The following RBFOX1 variants were observed in gnomAD, a reference collection of about 807,000 sequenced individuals.
RBFOX1 encodes the protein RNA binding fox-1 homolog 1.
A neutral mutation model predicts 57.7 loss-of-function variants in RBFOX1; 8 were observed. That is an observed-to-expected ratio of 0.14 (90% CI 0.08 to 0.25). The LOEUF (loss-of-function observed/expected upper bound fraction) is 0.25. Among genes scored for constraint, RBFOX1 ranks in the 10% least tolerant of loss-of-function variants. RBFOX1 has a pLI of 1.00. For missense variants in RBFOX1, 611 were observed against 548.5 expected (o/e 1.11, Z -1.14); for synonymous variants, 326 against 222.4 (o/e 1.47, Z -4.15).
intron 3 of RBFOX1, among the ~76,000 whole-genome samples, chr16:6,816,165 G>GGTAGGT (rs1464845482): frequency 6.6e-6 from 1 of 152,040 alleles, no homozygotes; most frequent in Non-Finnish European, 1.5e-5. Context: ...TTTTTAATTA[G>GGTAGGT]GTAGGTGTGG....
At chr16:5,448,421 A>G (rs2068319515) in intron 1 of RBFOX1, among the ~76,000 whole-genome samples, 1 of 152,212 alleles carries the variant, frequency 6.6e-6, no homozygotes. Flanking sequence ...ATTGAAATAT[A>G]ATGAACAGCT....
chr16:7,445,159 G>C (rs1372138857), intron 4 of RBFOX1, among the ~76,000 whole-genome samples: 1 of 152,120 alleles, frequency 6.6e-6, no homozygotes, highest in Non-Finnish European at 1.5e-5. Context: ...AAAGGGCTCA[G>C]CATGTGCCTG....
chr16:6,651,552 AC>A (rs755045632), intron 2 of RBFOX1, among the ~76,000 whole-genome samples: 43 of 152,198 alleles, frequency 2.8e-4, no homozygotes, highest in Non-Finnish European at 1.2e-4. Flanking sequence ...CCTGAGTGAA[AC>A]CCACAAGTGC....
intron 3 of RBFOX1, among the ~76,000 whole-genome samples, chr16:5,795,635 C>G (rs1429666241): frequency 6.6e-6 from 1 of 152,150 alleles, no homozygotes; most frequent in African/African-American, 2.4e-5. Context: ...TCTTTCCCCT[C>G]CTTACCCCTG....
intron 3 of RBFOX1, among the ~76,000 whole-genome samples, chr16:6,788,086 G>A (rs2082266396): frequency 6.6e-6 from 1 of 152,254 alleles, no homozygotes; most frequent in East Asian, 1.9e-4. Context: ...GGCAGGTGTG[G>A]TGGCGCATGC....
At position 6,869,969 on chromosome 16, in the gene RBFOX1, A is replaced by G. The variant is rs576004925; in HGVS notation, c.-15-182088A>G. On this transcript the variant is annotated intron_variant, in intron 3 of 15. Coordinates refer to ENST00000550418, the MANE Select transcript of RBFOX1 (RefSeq NM_018723.4). Reference sequence around the variant, plus strand: ...ACTGCTTACTAATCTTAGGACCTATAAAATAAGGGATCAAAGGTAACATTT... The same window carrying G: ...ACTGCTTACTAATCTTAGGACCTATGAAATAAGGGATCAAAGGTAACATTT... 2.6e-5 allele frequency among the ~76,000 whole-genome samples: 4 copies of G among 152,276 alleles called. No homozygotes were observed. In the South Asian group the frequency reaches 8.3e-4, roughly 32 times the overall value.
At chr16:7,261,615 G>C (rs1475455454) in intron 4 of RBFOX1, among the ~76,000 whole-genome samples, 1 of 152,128 alleles carries the variant, frequency 6.6e-6, no homozygotes, top group Non-Finnish European at 1.5e-5. Context: ...ATAGAATGAG[G>C]CTCAGGAACT....
In RBFOX1 at chr16:6,356,284, A is replaced by T. The variant is rs931510313; in HGVS notation, c.-64+39227A>T. ...GTTGCAGGGGCAAAAACCTGCCAAA[A>T]ACATCCTCAGCCAACAGATCAGGGT... On this transcript the variant is annotated intron_variant, in intron 2 of 15. Transcript: ENST00000550418. Among the ~76,000 whole-genome samples the T allele has an allele frequency of 6.6e-5, 10 of 152,156 alleles. 1 individual carries two copies. Among genetic ancestry groups the T allele is most frequent in the Admixed American group, 3.3e-4 (5 of 15,278 alleles).
At chr16:6,764,851 C>A (rs1024879809) in intron 3 of RBFOX1, among the ~76,000 whole-genome samples, 1 of 152,018 alleles carries the variant, frequency 6.6e-6, no homozygotes, top group Non-Finnish European at 1.5e-5. Flanking sequence ...GCAGGAGAAT[C>A]TCTTGAACCC....
At chr16:7,146,510 G>C (rs1472183605) in intron 4 of RBFOX1, among the ~76,000 whole-genome samples, 3 of 152,292 alleles carry the variant, frequency 2.0e-5, no homozygotes, top group South Asian at 4.1e-4. Flanking sequence ...GAGAGAGCTA[G>C]GATGCATAGG....
At chr16:5,388,696 T>C (rs1193311725) in intron 1 of RBFOX1, among the ~76,000 whole-genome samples, 1 of 151,908 alleles carries the variant, frequency 6.6e-6, no homozygotes, top group Non-Finnish European at 1.5e-5. Flanking sequence ...CCTGTCAGCC[T>C]TCTGAGTAGC....
chr16:6,971,208 A>T lies in RBFOX1; in HGVS notation c.-15-80849A>T, dbSNP rs139604123. ...CCGCTATACAGAGATTTTAAAATATAGAAAGAGGTGTGCTAAAAGGCAGCT... is the reference window on the plus strand; with the variant it reads ...CCGCTATACAGAGATTTTAAAATATTGAAAGAGGTGTGCTAAAAGGCAGCT... On this transcript the variant is annotated intron_variant, in intron 3 of 15. Coordinates refer to ENST00000550418, the MANE Select transcript of RBFOX1 (RefSeq NM_018723.4). Among the ~76,000 whole-genome samples, 860 of 152,308 alleles carry T rather than the reference A, an allele frequency of 5.6e-3. 9 individuals carry two copies. The highest frequency in any genetic ancestry group is 0.034 in the Middle Eastern group (10 of 294).
chr16:6,533,066 G>T (rs1384596924), intron 2 of RBFOX1, among the ~76,000 whole-genome samples: 5 of 152,178 alleles, frequency 3.3e-5, no homozygotes, highest in Admixed American at 2.0e-4. Context: ...GTGTTGCAAA[G>T]CACACTTGGC....
rs192183105 is a variant in RBFOX1, at chr16:7,604,565, A to G, written c.623-2720A>G. 7.9e-4 allele frequency among the ~76,000 whole-genome samples: 121 copies of G among 152,310 alleles called. 1 individual carries two copies. Among genetic ancestry groups the G allele is most frequent in the African/African-American group, 2.8e-3 (115 of 41,564 alleles). ...TGGCAAACTCATAACTTGCAGAAAG[A>G]TGGGGAAATAAACAGCAGATTATAG... On this transcript the variant is annotated intron_variant, in intron 9 of 15. Coordinates refer to ENST00000550418, the MANE Select transcript of RBFOX1 (RefSeq NM_018723.4).
intron 13 of RBFOX1, among the ~76,000 whole-genome samples, chr16:7,666,896 G>A (rs2069512153): frequency 6.6e-6 from 1 of 152,176 alleles, no homozygotes; most frequent in East Asian, 1.9e-4. Flanking sequence ...CAGCGGTGCA[G>A]CTCGGGAAGC....
At chr16:6,434,738 G>C (rs1208975876) in intron 2 of RBFOX1, among the ~76,000 whole-genome samples, 1 of 152,154 alleles carries the variant, frequency 6.6e-6, no homozygotes, top group Non-Finnish European at 1.5e-5. Flanking sequence ...CTCTGACATT[G>C]CTAACAGCCT....
At chr16:6,040,426 C>G (rs901274931) in intron 1 of RBFOX1, among the ~76,000 whole-genome samples, 8 of 152,142 alleles carry the variant, frequency 5.3e-5, no homozygotes, top group African/African-American at 1.9e-4. Context: ...TTTAACTACT[C>G]TTAAGTATCT....
At chr16:6,767,092 A>C (rs907867203) in intron 3 of RBFOX1, among the ~76,000 whole-genome samples, 3 of 152,092 alleles carry the variant, frequency 2.0e-5, no homozygotes, top group Non-Finnish European at 4.4e-5. Context: ...CTGTGGTCCT[A>C]TAATTGCATT....
chr16:6,250,647 A>G (rs994498586), intron 1 of RBFOX1, among the ~76,000 whole-genome samples: 1 of 152,138 alleles, frequency 6.6e-6, no homozygotes, highest in Admixed American at 6.6e-5. Flanking sequence ...ATCCCTGTTT[A>G]GATTGGTTCT....
Sources: gnomAD v4.1 joint callset for allele counts (sites outside exome capture counted in the v4.1 genomes callset) on GRCh38, gnomAD v4.1.1 for gene constraint, MANE v1.5 for transcripts, NCBI Gene and HGNC (gene_info 2026-07-23, HGNC 2026-07-21) for gene names.